Variants in SQOR observed in about 807,000 individuals in gnomAD.
SQOR encodes sulfide quinone oxidoreductase.
SQOR carries 39 observed loss-of-function variants against 48.6 expected under a neutral mutation model. The ratio of observed to expected loss-of-function variants is 0.80; its 90% CI spans 0.62 to 1.05. The LOEUF (loss-of-function observed/expected upper bound fraction) is 1.05, where lower values mean the gene tolerates loss of function less well. Ranked by LOEUF, SQOR falls within the 50% of genes least tolerant of loss-of-function variation. The pLI, the probability that SQOR is intolerant of heterozygous loss-of-function variation, is 0.00. For synonymous variants in SQOR, 220 were observed against 206.2 expected, an observed-to-expected ratio of 1.07 and a Z score of -0.57; for missense variants, 561 against 559.9, an observed-to-expected ratio of 1.00 and a Z score of -0.02.
At chr15:45,680,078 TG>T (rs1389871324) in intron 6 of SQOR, among the ~76,000 whole-genome samples, 1 of 152,060 alleles carries the variant, frequency 6.6e-6, no homozygotes, top group East Asian at 1.9e-4. Context: ...TTTGTTTGTT[TG>T]TTTTTTTCTT....
intron 5 of SQOR, 187 bp downstream of exon 5, chr15:45,673,988 G>A: frequency 1.6e-6 from 1 of 626,200 alleles, no homozygotes; most frequent in Non-Finnish European, 2.7e-6. Context: ...TGATCCAATT[G>A]CTTTAATAAA....
In SQOR at chr15:45,673,693, G is replaced by T. The variant is rs757970989; in HGVS notation, c.546G>T (p.Leu182=). ...VKTVEKTWKA[L]QDFKEGNAIF... is the part of the protein sequence containing the mutation. Reference sequence around the variant, plus strand: ...CTGTAGAGAAGACATGGAAAGCTCTGCAGGACTTCAAAGAGGGCAATGCCA... The same window carrying T: ...CTGTAGAGAAGACATGGAAAGCTCTTCAGGACTTCAAAGAGGGCAATGCCA... The change falls in exon 5 of 10, where the codon CTG becomes CTT. Residue 182 remains leucine (L), a synonymous_variant. Transcript: ENST00000260324. 8.1e-6 allele frequency: 13 copies of T among 1,614,088 alleles called. No individual in the cohort carries two copies. The highest frequency in any genetic ancestry group is 4.0e-5 in the African/African-American group (3 of 74,936).
intron 3 of SQOR, among the ~76,000 whole-genome samples, chr15:45,669,116 T>A (rs2140953725): frequency 6.7e-6 from 1 of 150,202 alleles, no homozygotes; most frequent in Non-Finnish European, 1.5e-5. Context: ...TTTAGTTTTT[T>A]ATTTTTAATA....
At position 45,682,687 on chromosome 15, in the gene SQOR, C is replaced by T; in HGVS notation, c.1048+26C>T. On this transcript the variant is annotated intron_variant, in intron 7 of 9. Coordinates refer to ENST00000260324, the MANE Select transcript of SQOR (RefSeq NM_021199.4). ...GTAAGTCAACCAGCTCCATTTCTCC[C>T]TTTCTCAAAAATATGTCACCTCAAG... The T allele has an allele frequency of 1.9e-6, 3 of 1,608,868 alleles. No individual in the cohort carries two copies. In the South Asian group the frequency reaches 3.3e-5, roughly 18 times the overall value.
chr15:45,644,237 G>A (rs1264861055), intron 1 of SQOR, among the ~76,000 whole-genome samples: 5 of 152,020 alleles, frequency 3.3e-5, no homozygotes, highest in African/African-American at 7.2e-5. Context: ...ACAGGCACCC[G>A]CCATCATGCC....
At chr15:45,674,205 G>A (rs1345276276) in intron 5 of SQOR, among the ~76,000 whole-genome samples, 2 of 152,198 alleles carry the variant, frequency 1.3e-5, no homozygotes, top group African/African-American at 4.8e-5. Context: ...GGGAGGCCAA[G>A]GTGGGTGGAT....
In SQOR at chr15:45,671,709, C is replaced by T. The variant is rs2140955132; in HGVS notation, c.459+1728C>T. The stretch of plus-strand genomic sequence containing the variant: ...AGCTGGGCCTCTGGCAGGGCTGGAT[C>T]TCCACTTTGGGTTCTGTTGGACTCA... On this transcript the variant is annotated intron_variant, in intron 4 of 9. Transcript: ENST00000260324. 1.3e-5 allele frequency among the ~76,000 whole-genome samples: 2 copies of T among 152,302 alleles called. 1 individual carries two copies. Among genetic ancestry groups the T allele is most frequent in the South Asian group, 4.1e-4 (2 of 4,826 alleles).
chr15:45,645,389 G>T (rs1452266000), intron 1 of SQOR, among the ~76,000 whole-genome samples: 8 of 152,156 alleles, frequency 5.3e-5, no homozygotes, highest in Admixed American at 6.5e-5. Context: ...TGGACTATGG[G>T]GTGCCTAGAA....
upstream of SQOR, chr15:45,634,642 G>A (rs1442028712): frequency 2.6e-5 from 4 of 152,334 alleles, no homozygotes; most frequent in Non-Finnish European, 5.9e-5. Context: ...GGGCACATAG[G>A]AGGACCCAGT....
chr15:45,672,537 G>A (rs1186251388), intron 4 of SQOR, among the ~76,000 whole-genome samples: 1 of 152,170 alleles, frequency 6.6e-6, no homozygotes, highest in Non-Finnish European at 1.5e-5. Context: ...AGGGATAAGT[G>A]TCTGGAGTGA....
chr15:45,680,879 G>A (rs78087432), intron 6 of SQOR, among the ~76,000 whole-genome samples: 2,483 of 152,138 alleles, frequency 0.016, 32 homozygotes, highest in Middle Eastern at 0.024. Context: ...TAACTCCACC[G>A]AGATGACTCT....
At chr15:45,633,852 A>T (rs1894945015), upstream of SQOR, among the ~76,000 whole-genome samples, 1 of 151,742 alleles carries the variant, frequency 6.6e-6, no homozygotes, top group African/African-American at 2.4e-5. Context: ...GATTAAAGAT[A>T]GAAAGTATCA....
chr15:45,634,810 G>A (rs984621619), upstream of SQOR: 2 of 152,238 alleles, frequency 1.3e-5, no homozygotes, highest in African/African-American at 4.8e-5. Context: ...GGGCGCGCAA[G>A]GGGCGAGTCT....
intron 6 of SQOR, among the ~76,000 whole-genome samples, chr15:45,679,313 G>A (rs1481650198): frequency 6.6e-6 from 1 of 152,150 alleles, no homozygotes; most frequent in East Asian, 1.9e-4. Flanking sequence ...CTCTTTATAA[G>A]AGGTTTTAAT....
At chr15:45,645,930 G>C (rs1895197008) in intron 1 of SQOR, 1 of 152,208 alleles carries the variant, frequency 6.6e-6, no homozygotes, top group South Asian at 2.1e-4. Context: ...TAACTAGCAA[G>C]CATTGCTATG....
At chr15:45,655,778 G>C (rs1159093085) in intron 1 of SQOR, among the ~76,000 whole-genome samples, 1 of 151,476 alleles carries the variant, frequency 6.6e-6, no homozygotes, top group African/African-American at 2.4e-5. Flanking sequence ...TCGCCTCACG[G>C]GTTCAAGTGA....
Position 45,682,649 on chromosome 15 carries a change from G to A in SQOR, c.1036G>A (p.Ala346Thr), listed in dbSNP as rs548075903. 6 of 1,613,824 alleles carry A rather than the reference G, an allele frequency of 3.7e-6. No individual in the cohort carries two copies. In the East Asian group the frequency reaches 6.7e-5, roughly 18 times the overall value. The change falls in exon 7 of 10, where the codon GCT (alanine) becomes ACT (threonine). Residue 346 changes from alanine to threonine, a missense_variant. Ala to Thr is a moderately conservative substitution (Grantham distance 58, BLOSUM62 0). Transcript: ENST00000260324. ...DCTNLPTSKT[A>T]AAVAAQSGIL... is the part of the protein sequence containing the mutation. Reference sequence around the variant, plus strand: ...CACCAACCTTCCTACGTCAAAGACCGCTGCTGCAGTAGGTAAGTCAACCAG... The same window carrying A: ...CACCAACCTTCCTACGTCAAAGACCACTGCTGCAGTAGGTAAGTCAACCAG...
At chr15:45,669,178 A>AAATT (rs2140953783) in intron 3 of SQOR, among the ~76,000 whole-genome samples, 1 of 147,270 alleles carries the variant, frequency 6.8e-6, no homozygotes, top group South Asian at 2.1e-4. Context: ...TTTTTTTTTA[A>AAATT]TTTTTTTTTG....
At chr15:45,657,632 C>T (rs892159204) in intron 1 of SQOR, among the ~76,000 whole-genome samples, 1 of 152,160 alleles carries the variant, frequency 6.6e-6, no homozygotes, top group Non-Finnish European at 1.5e-5. Flanking sequence ...CTCAGCTCCT[C>T]TTTCCCATTC....
Sources: allele counts gnomAD v4.1 joint callset (sites outside exome capture counted in the v4.1 genomes callset), GRCh38; gene constraint gnomAD v4.1.1; transcripts MANE v1.5; gene names NCBI Gene and HGNC (gene_info 2026-07-23, HGNC 2026-07-21).